Variants in MIPOL1 observed in about 807,000 individuals in gnomAD.
The protein encoded by MIPOL1 is mirror-image polydactyly 1, also known as mirror-image polydactyly gene 1 protein.
A neutral mutation model predicts 60.9 loss-of-function variants in MIPOL1; 57 were observed. The observed-to-expected ratio is 0.94, with a 90% CI of 0.76 to 1.17. MIPOL1 has a LOEUF of 1.17. Among genes scored for constraint, MIPOL1 ranks in the 50% most tolerant of loss-of-function variants. The pLI is 0.00. For synonymous variants in MIPOL1, 179 were observed against 168.8 expected (o/e 1.06, Z -0.47); for missense variants, 551 against 511.6 (o/e 1.08, Z -0.74).
At chr14:37,501,742 T>G (rs902764150) in intron 12 of MIPOL1, 1 of 152,202 alleles carries the variant, frequency 6.6e-6, no homozygotes, top group Non-Finnish European at 1.5e-5. Context: ...TCGTTGGGAC[T>G]GGTTGGACAG....
chr14:37,292,403 T>C (rs953412542), intron 7 of MIPOL1, among the ~76,000 whole-genome samples: 6 of 150,992 alleles, frequency 4.0e-5, no homozygotes, highest in African/African-American at 1.5e-4. Context: ...ATACTTGAAA[T>C]AGGCAATTTT....
At chr14:37,351,970 G>A (rs1172774245) in intron 9 of MIPOL1, among the ~76,000 whole-genome samples, 10 of 143,308 alleles carry the variant, frequency 7.0e-5, no homozygotes, top group Non-Finnish European at 1.5e-4. Context: ...TAGACATGAA[G>A]TCCTTGCCCA....
At chr14:37,294,025 T>A (rs1390788660) in intron 7 of MIPOL1, among the ~76,000 whole-genome samples, 1 of 152,224 alleles carries the variant, frequency 6.6e-6, no homozygotes, top group African/African-American at 2.4e-5. Context: ...AGTGGGTCCC[T>A]GACCCCCGAG....
chr14:37,258,310 A>C (rs530633185), intron 3 of MIPOL1, among the ~76,000 whole-genome samples: 1 of 152,218 alleles, frequency 6.6e-6, no homozygotes, highest in Non-Finnish European at 1.5e-5. Flanking sequence ...GTATGTCTTC[A>C]TTCTTAACAA....
At chr14:37,295,655 T>C (rs1297525203) in intron 7 of MIPOL1, among the ~76,000 whole-genome samples, 8 of 152,164 alleles carry the variant, frequency 5.3e-5, no homozygotes, top group Admixed American at 5.2e-4. Flanking sequence ...GTTGCAATCC[T>C]AGTCTTTGAT....
intron 12 of MIPOL1, among the ~76,000 whole-genome samples, chr14:37,545,250 C>G (rs1461811449): frequency 1.3e-5 from 2 of 152,152 alleles, no homozygotes; most frequent in African/African-American, 2.4e-5. Flanking sequence ...TAACAATAAA[C>G]TTAAAATTTC....
At chr14:37,218,494 A>C (rs1215955056) in intron 1 of MIPOL1, among the ~76,000 whole-genome samples, 2 of 151,994 alleles carry the variant, frequency 1.3e-5, no homozygotes, top group African/African-American at 4.8e-5. Context: ...GGCCGATTTT[A>C]TCTCTTATAA....
chr14:37,429,241 T>A (rs1485166265), intron 11 of MIPOL1, among the ~76,000 whole-genome samples: 1 of 152,196 alleles, frequency 6.6e-6, no homozygotes, highest in Non-Finnish European at 1.5e-5. Context: ...AATGCCTGTT[T>A]CGATGTTTGC....
chr14:37,435,210 T>TTC (rs2094144788), intron 11 of MIPOL1, among the ~76,000 whole-genome samples: 1 of 152,182 alleles, frequency 6.6e-6, no homozygotes, highest in East Asian at 1.9e-4. Context: ...CTTAACATGT[T>TTC]TCTACTCTTG....
intron 10 of MIPOL1, among the ~76,000 whole-genome samples, chr14:37,397,296 G>T (rs1260394028): frequency 6.7e-6 from 1 of 149,522 alleles, no homozygotes; most frequent in African/African-American, 2.5e-5. Context: ...TGGTACTGGG[G>T]TTATCTGCAC....
At chr14:37,299,887 C>T (rs2086218042) in intron 7 of MIPOL1, among the ~76,000 whole-genome samples, 1 of 151,980 alleles carries the variant, frequency 6.6e-6, no homozygotes, top group African/African-American at 2.4e-5. Flanking sequence ...TGGGCTGTGA[C>T]ATTTTCTCTA....
chr14:37,430,593 A>G (rs1029246510), intron 11 of MIPOL1, among the ~76,000 whole-genome samples: 1 of 151,756 alleles, frequency 6.6e-6, no homozygotes, highest in African/African-American at 2.4e-5. Flanking sequence ...CTCTCAACTT[A>G]TAGAATGTGG....
intron 9 of MIPOL1, among the ~76,000 whole-genome samples, chr14:37,348,329 T>G (rs1486903866): frequency 6.6e-6 from 1 of 152,166 alleles, no homozygotes; most frequent in African/African-American, 2.4e-5. Context: ...GATAAAGGAT[T>G]TCTACTGATT....
At chr14:37,313,135 CAAAT>C (rs35584809) in intron 9 of MIPOL1, among the ~76,000 whole-genome samples, 80,800 of 151,672 alleles carry the variant, frequency 0.53, 24,170 homozygotes, top group Non-Finnish European at 0.66. Flanking sequence ...GAACATTTGA[CAAAT>C]AAATCATATT....
intron 9 of MIPOL1, among the ~76,000 whole-genome samples, chr14:37,364,900 C>T (rs1260119646): frequency 6.6e-6 from 1 of 152,080 alleles, no homozygotes; most frequent in Non-Finnish European, 1.5e-5. Context: ...TAATTTCTGT[C>T]ATCAGTGTTT....
chr14:37,245,334 A>G (rs1442317133), intron 1 of MIPOL1, among the ~76,000 whole-genome samples: 3 of 152,170 alleles, frequency 2.0e-5, no homozygotes, highest in Admixed American at 6.5e-5. Flanking sequence ...TAAAGAAGAA[A>G]GATGCATGAA....
chr14:37,385,961 C>T (rs1326369079), intron 10 of MIPOL1, among the ~76,000 whole-genome samples: 1 of 151,786 alleles, frequency 6.6e-6, no homozygotes, highest in African/African-American at 2.4e-5. Flanking sequence ...CTTTTTATAT[C>T]TTTTGCTTTA....
intron 9 of MIPOL1, among the ~76,000 whole-genome samples, chr14:37,325,256 A>G (rs2089026480): frequency 6.6e-6 from 1 of 152,122 alleles, no homozygotes; most frequent in Non-Finnish European, 1.5e-5. Flanking sequence ...TTAAACAGCA[A>G]AATTCCGTTT....
intron 12 of MIPOL1, among the ~76,000 whole-genome samples, chr14:37,543,675 A>C (rs1378232744): frequency 6.6e-6 from 1 of 152,206 alleles, no homozygotes; most frequent in African/African-American, 2.4e-5. Flanking sequence ...CATTCACACC[A>C]TTGTGCTCAT....
Sources: gnomAD v4.1 joint callset for allele counts (sites outside exome capture counted in the v4.1 genomes callset) on GRCh38, gnomAD v4.1.1 for gene constraint, MANE v1.5 for transcripts, NCBI Gene and HGNC (gene_info 2026-07-23, HGNC 2026-07-21) for gene names.